Variants in ZNF407 observed in about 807,000 individuals in gnomAD.
The protein encoded by ZNF407 is zinc finger protein 407.
A neutral mutation model predicts 131.2 loss-of-function variants in ZNF407; 17 were observed. The ratio of observed to expected loss-of-function variants is 0.13; its 90% CI spans 0.09 to 0.19. ZNF407 has a LOEUF of 0.19. Among genes scored for constraint, ZNF407 ranks in the 10% least tolerant of loss-of-function variants. The probability of loss-of-function intolerance (pLI) is 1.00; values close to 1 mark genes in which losing one functional copy is unlikely to be tolerated. For synonymous variants in ZNF407, 1,156 were observed against 1,062.0 expected (o/e 1.09, Z -1.72); for missense variants, 2,681 against 2,830.6 (o/e 0.95, Z 1.20).
intron 1 of ZNF407, among the ~76,000 whole-genome samples, chr18:74,621,151 G>T (rs1179867161): frequency 6.6e-6 from 1 of 151,976 alleles, no homozygotes; most frequent in East Asian, 1.9e-4. Context: ...TACATAGCAG[G>T]TGTGTATATT....
At chr18:74,698,647 A>G (rs1378838967) in intron 3 of ZNF407, among the ~76,000 whole-genome samples, 1 of 152,224 alleles carries the variant, frequency 6.6e-6, no homozygotes, top group Non-Finnish European at 1.5e-5. Context: ...TCAGCATACA[A>G]AGAACAAAAA....
At chr18:74,871,571 C>T (rs1375281002) in intron 4 of ZNF407, among the ~76,000 whole-genome samples, 6 of 151,962 alleles carry the variant, frequency 3.9e-5, no homozygotes, top group Admixed American at 3.9e-4. Context: ...ACATTTTTGT[C>T]ACAGTTTTAG....
chr18:74,934,984 C>G (rs1972023674), intron 8 of ZNF407, among the ~76,000 whole-genome samples: 1 of 152,002 alleles, frequency 6.6e-6, no homozygotes, highest in Non-Finnish European at 1.5e-5. Context: ...TTAATTATGC[C>G]AGTAGATGCT....
intron 8 of ZNF407, among the ~76,000 whole-genome samples, chr18:75,028,937 C>T (rs1973203950): frequency 6.6e-6 from 1 of 152,198 alleles, no homozygotes; most frequent in South Asian, 2.1e-4. Flanking sequence ...TTAGATCAGA[C>T]ACTTTATTTT....
intron 4 of ZNF407, among the ~76,000 whole-genome samples, chr18:74,876,739 C>G (rs2145179466): frequency 6.6e-6 from 1 of 152,328 alleles, no homozygotes; most frequent in East Asian, 1.9e-4. Context: ...GCCTTTTCTT[C>G]CCTGCAGCGT....
intron 1 of ZNF407, among the ~76,000 whole-genome samples, chr18:74,611,450 A>G (rs1983055946): frequency 6.6e-6 from 1 of 152,226 alleles, no homozygotes; most frequent in South Asian, 2.1e-4. Context: ...AAGGGGACAA[A>G]TGACCTAAGT....
chr18:74,672,915 A>C (rs1385671897), intron 3 of ZNF407, among the ~76,000 whole-genome samples: 5 of 152,176 alleles, frequency 3.3e-5, no homozygotes, highest in Non-Finnish European at 7.4e-5. Flanking sequence ...TTATGGTATG[A>C]GAAGAGTAGT....
intron 2 of ZNF407, among the ~76,000 whole-genome samples, chr18:74,636,808 T>G (rs1984484525): frequency 2.0e-5 from 3 of 152,248 alleles, no homozygotes; most frequent in Admixed American, 6.5e-5. Flanking sequence ...AATATTCCTA[T>G]GCACTGCAGC....
chr18:74,757,947 G>T (rs988456351), intron 3 of ZNF407, among the ~76,000 whole-genome samples: 1 of 151,984 alleles, frequency 6.6e-6, no homozygotes, highest in Non-Finnish European at 1.5e-5. Context: ...GAATATAGCC[G>T]CTGCGGCTTT....
chr18:75,021,975 A>G (rs1973116255), intron 8 of ZNF407, among the ~76,000 whole-genome samples: 1 of 151,994 alleles, frequency 6.6e-6, no homozygotes, highest in African/African-American at 2.4e-5. Context: ...AGAGCTCATT[A>G]TCATTAAATC....
intron 8 of ZNF407, among the ~76,000 whole-genome samples, chr18:74,972,493 T>G (rs566196663): frequency 6.6e-6 from 1 of 152,336 alleles, no homozygotes; most frequent in Non-Finnish European, 1.5e-5. Context: ...GCTCCATCCC[T>G]CAGCCCTTTC....
At chr18:74,650,973 T>TC (rs1013343104) in intron 3 of ZNF407, among the ~76,000 whole-genome samples, 1 of 151,986 alleles carries the variant, frequency 6.6e-6, no homozygotes, top group African/African-American at 2.4e-5. Context: ...ATATAATATT[T>TC]CCCCCCTTAG....
At chr18:74,654,958 T>G (rs1366435620) in intron 3 of ZNF407, among the ~76,000 whole-genome samples, 2 of 151,932 alleles carry the variant, frequency 1.3e-5, no homozygotes, top group East Asian at 3.8e-4. Context: ...TGCTTAGTCA[T>G]CTAATGTTAT....
rs9947045 is a variant in ZNF407, at chr18:74,835,640, G to T, written c.4878-41557G>T. On this transcript the variant is annotated intron_variant, in intron 4 of 8. Transcript: ENST00000299687. Reference sequence around the variant, plus strand: ...CTTGGACAGAGGGGGGTGTGTGTGTGTGTGTGTGTGTGTGTGTGTGTGTGT... The same window carrying T: ...CTTGGACAGAGGGGGGTGTGTGTGTTTGTGTGTGTGTGTGTGTGTGTGTGT... Among the ~76,000 whole-genome samples the T allele has an allele frequency of 1.3e-3, 155 of 117,000 alleles. 1 individual carries two copies. Among genetic ancestry groups the T allele is most frequent in the African/African-American group, 5.1e-3 (132 of 25,932 alleles). 76.8% of individuals were successfully genotyped at this position (117,000 alleles called of 152,430 possible).
In ZNF407 at chr18:75,063,899, G is replaced by A. The variant is rs762998583; in HGVS notation, c.6178G>A (p.Val2060Ile). ...CGCCGTGGAGGTGCTCACCCAGGTGGTCCATCCCTCAGCAGCCATGGCCTC... is the reference window on the plus strand; with the variant it reads ...CGCCGTGGAGGTGCTCACCCAGGTGATCCATCCCTCAGCAGCCATGGCCTC... ...PAAVEVLTQV[V>I]HPSAAMASQE... is the part of the protein sequence containing the mutation. Residue 2060 changes from valine (V) to isoleucine (I), a missense_variant, in exon 9 of 9, where the codon GTC (valine) becomes ATC (isoleucine). Around this residue, in one of 6 missense-constraint regions of ZNF407, gnomAD observed 620 missense variants for 583.1 expected, o/e 1.06. Transcript: ENST00000299687. This position sits in a 1 kb window ranked among gnomAD's most constrained non-coding sequence, Gnocchi z 6.6. 3.1e-6 allele frequency: 5 copies of A among 1,613,512 alleles called. No individual in the cohort carries two copies. The Admixed American group carries it at 5.0e-5, about 16-fold the overall frequency.
chr18:74,890,098 G>C (rs117846747), intron 7 of ZNF407, 60 bp downstream of exon 7: 4 of 1,387,888 alleles, frequency 2.9e-6, no homozygotes, highest in Admixed American at 3.4e-5. Flanking sequence ...TTAAAAGCCC[G>C]TTAAATCCCA....
chr18:74,612,676 G>A (rs949819179), intron 1 of ZNF407, among the ~76,000 whole-genome samples: 1 of 152,166 alleles, frequency 6.6e-6, no homozygotes, highest in Non-Finnish European at 1.5e-5. Flanking sequence ...GTGACATACC[G>A]AGTTTATATG....
intron 3 of ZNF407, among the ~76,000 whole-genome samples, chr18:74,761,555 G>C (rs1212347775): frequency 6.6e-6 from 1 of 152,082 alleles, no homozygotes; most frequent in Non-Finnish European, 1.5e-5. Context: ...TAATAATATT[G>C]CTATATATTA....
At chr18:75,033,175 G>A (rs1973265766) in intron 8 of ZNF407, among the ~76,000 whole-genome samples, 1 of 130,766 alleles carries the variant, frequency 7.6e-6, no homozygotes, top group Non-Finnish European at 1.6e-5. Flanking sequence ...CAGAATGGGG[G>A]GAAGACAGTA....
Sources: allele counts gnomAD v4.1 joint callset (sites outside exome capture counted in the v4.1 genomes callset), GRCh38; gene constraint gnomAD v4.1.1; regional missense constraint gnomAD v4.1.1; non-coding constraint Gnocchi (gnomAD v3.1); transcripts MANE v1.5; gene names NCBI Gene and HGNC (gene_info 2026-07-23, HGNC 2026-07-21).